Variants in SEC11A observed in about 807,000 individuals in gnomAD.
SEC11A encodes the protein signal peptidase complex catalytic subunit SEC11A.
In SEC11A, 14 loss-of-function variants were observed where a neutral mutation model predicts 25.6. That is an observed-to-expected ratio of 0.55 (90% CI 0.36 to 0.85). SEC11A has a LOEUF of 0.85. Ranked by LOEUF, SEC11A falls within the 40% of genes least tolerant of loss-of-function variation. The pLI is 0.01. For synonymous variants in SEC11A, 83 were observed against 76.4 expected (o/e 1.09, Z -0.45); for missense variants, 153 against 222.9 (o/e 0.69, Z 2.00).
intron 1 of SEC11A, among the ~76,000 whole-genome samples, chr15:84,715,105 T>C (rs1262334968): frequency 1.3e-5 from 2 of 152,136 alleles, no homozygotes; most frequent in African/African-American, 4.8e-5. Context: ...GGAAAGGTTG[T>C]GTATCTACTT....
intron 1 of SEC11A, among the ~76,000 whole-genome samples, chr15:84,707,459 T>C (rs570554864): frequency 6.6e-6 from 1 of 152,192 alleles, no homozygotes; most frequent in East Asian, 1.9e-4. Context: ...GCTGGGATTA[T>C]AGGCGTGAAC....
chr15:84,679,224 A>G (rs1055453596), intron 4 of SEC11A: 1 of 1,190,994 alleles, frequency 8.4e-7, no homozygotes, highest in Non-Finnish European at 1.1e-6. Flanking sequence ...TTAAATAATC[A>G]CATTAGCAGC....
rs369012525 is a variant in SEC11A, at chr15:84,707,038, G to C, written c.51+8987C>G. 1.7e-4 allele frequency among the ~76,000 whole-genome samples: 26 copies of C among 152,214 alleles called. No homozygotes were observed. In the East Asian group the frequency reaches 3.5e-3, roughly 20 times the overall value. On this transcript the variant is annotated intron_variant, in intron 1 of 5. Coordinates refer to ENST00000268220, the MANE Select transcript of SEC11A (RefSeq NM_014300.4). ...AGTCTCACTCCAGCAGCTGGATGTG[G>C]AATCCTGTCCCACACTCCATGGCAA...
At chr15:84,671,755 C>A (rs978851054) in intron 4 of SEC11A, 3 of 152,196 alleles carry the variant, frequency 2.0e-5, no homozygotes, top group Admixed American at 1.3e-4. Context: ...TAGGAGATAT[C>A]CAGTACATCC....
At chr15:84,681,924 G>A (rs1455578418) in intron 3 of SEC11A, among the ~76,000 whole-genome samples, 1 of 152,080 alleles carries the variant, frequency 6.6e-6, no homozygotes, top group Non-Finnish European at 1.5e-5. Flanking sequence ...AAAAAAATTA[G>A]CCAAGCATGA....
chr15:84,678,401 C>T (rs1851446111), intron 4 of SEC11A, among the ~76,000 whole-genome samples: 3 of 152,064 alleles, frequency 2.0e-5, no homozygotes, highest in Admixed American at 2.0e-4. Context: ...GGCAGAAATG[C>T]TGAGATATAC....
rs1897466914 is a variant in SEC11A at position 84,687,616 on chromosome 15, T to C, written c.311+9A>G. ...ACTTAGAAACAAAGATGCTATACTT[T>C]GCACATACTTTTCATGAATCTTCAA... On this transcript the variant is annotated intron_variant, in intron 3 of 5. Transcript: ENST00000268220. 6.4e-7 allele frequency: 1 copy of C among 1,566,674 alleles called. No homozygotes were observed. Among genetic ancestry groups the C allele is most frequent in the Non-Finnish European group, 8.6e-7 (1 of 1,167,092 alleles).
At chr15:84,697,265 AAAT>A (rs1897795053) in intron 1 of SEC11A, among the ~76,000 whole-genome samples, 1 of 152,126 alleles carries the variant, frequency 6.6e-6, no homozygotes, top group Non-Finnish European at 1.5e-5. Context: ...TTGTCTCAAA[AAAT>A]AATAATACAA....
Position 84,708,205 on chromosome 15 carries a change from C to CAAA in SEC11A, c.51+7817_51+7819dup, listed in dbSNP as rs71132699. ...TGGGTGACAGAGTGAGGCTCTGTCT[C>CAAA]AAAAAAAAAAAAAAAAAAAAAAAAA... is the stretch of plus-strand genomic sequence containing the variant. On this transcript the variant is annotated intron_variant, in intron 1 of 5. Coordinates refer to ENST00000268220, the MANE Select transcript of SEC11A (RefSeq NM_014300.4). Among the ~76,000 whole-genome samples, 42 of 35,390 alleles carry CAAA rather than the reference C, an allele frequency of 1.2e-3. 3 individuals are homozygous for CAAA. The highest frequency in any genetic ancestry group is 1.4e-3 in the Admixed American group (4 of 2,782). 23.2% of individuals were successfully genotyped at this position (35,390 alleles called of 152,430 possible).
At chr15:84,699,182 G>T (rs770284331) in intron 1 of SEC11A, among the ~76,000 whole-genome samples, 14 of 151,968 alleles carry the variant, frequency 9.2e-5, no homozygotes, top group Non-Finnish European at 1.8e-4. Context: ...AGGCGTGGTG[G>T]CACGTGCCTG....
chr15:84,679,738 A>G (rs1020396748), intron 4 of SEC11A, among the ~76,000 whole-genome samples: 9 of 152,058 alleles, frequency 5.9e-5, no homozygotes, highest in Admixed American at 5.2e-4. Flanking sequence ...ACATAACCTA[A>G]CTCATTTATG....
chr15:84,698,725 C>A (rs1223750930), intron 1 of SEC11A, among the ~76,000 whole-genome samples: 1 of 152,120 alleles, frequency 6.6e-6, no homozygotes. Flanking sequence ...TGTACAGCAG[C>A]TTCCCTCATA....
At chr15:84,687,534 C>T in intron 3 of SEC11A, 91 bp downstream of exon 3, 1 of 1,088,578 alleles carries the variant, frequency 9.2e-7, no homozygotes, top group South Asian at 2.1e-5. Context: ...AGGTTCCTCA[C>T]TGTTTTACAA....
chr15:84,684,793 G>A (rs1481085029), intron 3 of SEC11A, among the ~76,000 whole-genome samples: 2 of 152,166 alleles, frequency 1.3e-5, no homozygotes, highest in East Asian at 3.9e-4. Flanking sequence ...TTAGCTGGGC[G>A]TGGTGGCAGG....
intron 1 of SEC11A, among the ~76,000 whole-genome samples, chr15:84,700,887 G>A (rs1897915220): frequency 6.7e-6 from 1 of 148,970 alleles, no homozygotes; most frequent in African/African-American, 2.5e-5. Context: ...GGCTGAGGTA[G>A]CAGAGTCACT....
chr15:84,695,722 T>C (rs535654810), intron 1 of SEC11A, among the ~76,000 whole-genome samples: 126 of 152,328 alleles, frequency 8.3e-4, no homozygotes, highest in South Asian at 6.4e-3. Context: ...CTGCATACTT[T>C]TTAAAAACAT....
At chr15:84,689,337 A>T (rs1421203083) in intron 2 of SEC11A, among the ~76,000 whole-genome samples, 1 of 152,212 alleles carries the variant, frequency 6.6e-6, no homozygotes, top group Non-Finnish European at 1.5e-5. Flanking sequence ...ATGGTTTCAC[A>T]GGAATATACT....
intron 1 of SEC11A, among the ~76,000 whole-genome samples, chr15:84,710,519 C>A (rs1898228698): frequency 6.6e-6 from 1 of 152,100 alleles, no homozygotes; most frequent in African/African-American, 2.4e-5. Flanking sequence ...CGCCTATAAT[C>A]CCAGCTACTC....
chr15:84,703,691 A>G (rs950423713), intron 1 of SEC11A, among the ~76,000 whole-genome samples: 1 of 152,206 alleles, frequency 6.6e-6, no homozygotes, highest in African/African-American at 2.4e-5. Context: ...GTAGATTTAC[A>G]TTGATTCAAA....
Sources: gnomAD v4.1 joint callset for allele counts (sites outside exome capture counted in the v4.1 genomes callset) on GRCh38, gnomAD v4.1.1 for gene constraint, MANE v1.5 for transcripts, NCBI Gene and HGNC (gene_info 2026-07-23, HGNC 2026-07-21) for gene names.